Variants in IPO5 observed in about 807,000 individuals in gnomAD.
The protein encoded by IPO5 is importin-5.
A neutral mutation model predicts 143.3 loss-of-function variants in IPO5; 18 were observed. The ratio of observed to expected loss-of-function variants is 0.13; its 90% CI spans 0.09 to 0.19. The LOEUF (loss-of-function observed/expected upper bound fraction) is 0.19. IPO5 is among the 10% of genes least tolerant of loss of function. The pLI is 1.00. For synonymous variants in IPO5, 477 were observed against 465.7 expected (o/e 1.02, Z -0.31); for missense variants, 1,013 against 1,336.9 (o/e 0.76, Z 3.78).
rs35443379 is a variant in IPO5, at chr13:97,965,755, T to TTGTG, written c.-112-3939_-112-3936dup. On this transcript the variant is annotated intron_variant, in intron 2 of 28. Coordinates refer to ENST00000651721, the MANE Select transcript of IPO5 (RefSeq NM_002271.6). ...AACTTGTTTTGTTTGTTCTAATAGT[T>TTGTG]TGTGTGTGTGTGTGTGTGTGTGTGT... is the stretch of plus-strand genomic sequence containing the variant. Among the ~76,000 whole-genome samples the TTGTG allele has an allele frequency of 6.1e-3, 891 of 146,768 alleles. 4 individuals are homozygous for TTGTG. Among genetic ancestry groups the TTGTG allele is most frequent in the African/African-American group, 0.01 (412 of 39,482 alleles).
intron 12 of IPO5, among the ~76,000 whole-genome samples, chr13:97,999,467 T>C (rs1241246643): frequency 2.6e-5 from 4 of 152,198 alleles, no homozygotes; most frequent in African/African-American, 9.6e-5. Context: ...TTATACAGTT[T>C]AAGAAACTTT....
At chr13:98,011,063 C>G (rs1377624077) in intron 20 of IPO5, among the ~76,000 whole-genome samples, 1 of 151,848 alleles carries the variant, frequency 6.6e-6, no homozygotes, top group African/African-American at 2.4e-5. Context: ...AGCCACTGCA[C>G]CTGGCCAATA....
rs534263448 is a variant in IPO5 at position 97,959,145 on chromosome 13, C to T, written c.-113+4947C>T. Among the ~76,000 whole-genome samples, 12 of 151,570 alleles carry T rather than the reference C, an allele frequency of 7.9e-5. No homozygotes were observed. The South Asian group carries it at 2.5e-3, about 32-fold the overall frequency. ...TAAGATCACGCCACTGCACTCCAGC[C>T]TGGGTGACACAGCAAGACTGTGTCT... On this transcript the variant is annotated intron_variant, in intron 2 of 28. Coordinates refer to ENST00000651721, the MANE Select transcript of IPO5 (RefSeq NM_002271.6).
chr13:97,973,531 A>G (rs983431707), intron 3 of IPO5, among the ~76,000 whole-genome samples: 1 of 152,162 alleles, frequency 6.6e-6, no homozygotes, highest in Admixed American at 6.5e-5. Context: ...ACCAGTCTCC[A>G]TTGTCAGGAC....
At chr13:98,021,167 A>C in intron 28 of IPO5, 34 bp downstream of exon 28, 1 of 1,564,218 alleles carries the variant, frequency 6.4e-7, no homozygotes, top group Non-Finnish European at 8.6e-7. Context: ...GGAGGGGGAG[A>C]TAAAACCTTT....
chr13:97,982,570 C>G lies in IPO5; in HGVS notation c.158C>G (p.Thr53Arg). ...TFLLQAIRNT[T>R]AAEEARQMAA... ...CTCTTACAAGCCATCAGAAATACAA[C>G]AGCTGCTGAAGAGGTACTACCTTAA... The change falls in exon 5 of 29, where the codon ACA (threonine) becomes AGA (arginine). Residue 53 changes from threonine to arginine, a missense_variant. This residue lies in a region of IPO5 where 328 missense variants were observed against 342.0 expected (regional missense o/e 0.96). Coordinates refer to ENST00000651721, the MANE Select transcript of IPO5 (RefSeq NM_002271.6). 6.2e-7 allele frequency: 1 copy of G among 1,602,192 alleles called. No individual in the cohort carries two copies. Among genetic ancestry groups the G allele is most frequent in the Non-Finnish European group, 8.6e-7 (1 of 1,169,380 alleles).
At chr13:97,997,690 C>T in intron 12 of IPO5, 72 bp downstream of exon 12, 1 of 780,032 alleles carries the variant, frequency 1.3e-6, no homozygotes, top group Non-Finnish European at 2.0e-6. Flanking sequence ...CACTATTGCA[C>T]CCTGTAACCT....
Position 98,021,983 on chromosome 13 carries a change from A to G in IPO5, c.*161A>G. ...CAGGAAGAGCAGCGCTGTGTTGCAG[A>G]ATGGAGTTTCCATGGATTTCTACCA... is the stretch of plus-strand genomic sequence containing the variant. On this transcript the variant is annotated 3_prime_UTR_variant, in exon 29 of 29. Transcript: ENST00000651721. 4 of 430,920 alleles carry G rather than the reference A, an allele frequency of 9.3e-6. No individual in the cohort carries two copies. 26.7% of individuals were successfully genotyped at this position (430,920 alleles called of 1,614,324 possible).
intron 13 of IPO5, 79 bp from the exon 14 acceptor site, chr13:98,002,388 A>G: frequency 2.2e-6 from 3 of 1,383,722 alleles, no homozygotes; most frequent in Middle Eastern, 1.8e-4. Context: ...CCAAATAAGA[A>G]CTTTTATACA....
In IPO5 at chr13:97,993,088, A is replaced by G. The variant is rs1230879133; in HGVS notation, c.793-17A>G. ...AATCTAAATTATTAAATGTATACAA[A>G]TATGTCTTCTTTGTAGTTGTGTGGA... On this transcript the variant is annotated splice_polypyrimidine_tract_variant and intron_variant, in intron 10 of 28. Coordinates refer to ENST00000651721, the MANE Select transcript of IPO5 (RefSeq NM_002271.6). 3.1e-6 allele frequency: 5 copies of G among 1,613,710 alleles called. No homozygotes were observed. Among genetic ancestry groups the G allele is most frequent in the Non-Finnish European group, 4.2e-6 (5 of 1,179,750 alleles).
chr13:98,002,803 C>G (rs754247327), intron 15 of IPO5, 30 bp downstream of exon 15: 2 of 1,595,790 alleles, frequency 1.3e-6, no homozygotes, highest in African/African-American at 1.4e-5. Context: ...ACACTTAAAT[C>G]AGACTTTAGG....
At chr13:97,971,892 A>G (rs1247133130) in intron 3 of IPO5, among the ~76,000 whole-genome samples, 1 of 152,228 alleles carries the variant, frequency 6.6e-6, no homozygotes, top group African/African-American at 2.4e-5. Flanking sequence ...TGCAGACACC[A>G]TACTATGTGA....
chr13:98,021,345 C>A, intron 28 of IPO5: 1 of 407,764 alleles, frequency 2.5e-6, no homozygotes, highest in Non-Finnish European at 4.2e-6. Context: ...CATCTTAGGA[C>A]ATTTTGAGCT....
chr13:97,972,414 G>C (rs969824974), intron 3 of IPO5, among the ~76,000 whole-genome samples: 1 of 152,168 alleles, frequency 6.6e-6, no homozygotes, highest in Admixed American at 6.5e-5. Flanking sequence ...TAAGGAGCCT[G>C]GTCTCCTGCA....
intron 2 of IPO5, among the ~76,000 whole-genome samples, chr13:97,962,499 G>T (rs1207550161): frequency 6.6e-6 from 1 of 151,956 alleles, no homozygotes; most frequent in South Asian, 2.1e-4. Flanking sequence ...TATTAGCCAG[G>T]GTCCTCAAGA....
chr13:97,965,743 T>C (rs1259430992), intron 2 of IPO5, among the ~76,000 whole-genome samples: 2 of 143,956 alleles, frequency 1.4e-5, no homozygotes, highest in Non-Finnish European at 3.0e-5. Context: ...TTGTTTTGTT[T>C]GTTCTAATAG....
chr13:97,972,325 C>G (rs1310421897), intron 3 of IPO5, among the ~76,000 whole-genome samples: 1 of 152,162 alleles, frequency 6.6e-6, no homozygotes, highest in African/African-American at 2.4e-5. Context: ...AACCTTCTCC[C>G]ACTTCCAGAA....
chr13:98,011,144 A>G (rs1486374788), intron 20 of IPO5, among the ~76,000 whole-genome samples: 2 of 152,118 alleles, frequency 1.3e-5, no homozygotes, highest in Non-Finnish European at 2.9e-5. Context: ...AGTATCTATA[A>G]ATTATAAACA....
chr13:97,986,360 A>G (rs59479756), intron 6 of IPO5, among the ~76,000 whole-genome samples: 3 of 141,314 alleles, frequency 2.1e-5, no homozygotes, highest in African/African-American at 5.0e-5. Context: ...GTATATATAT[A>G]TTTTTTTTTT....
Sources: allele counts gnomAD v4.1 joint callset (sites outside exome capture counted in the v4.1 genomes callset), GRCh38; gene constraint gnomAD v4.1.1; regional missense constraint gnomAD v4.1.1; transcripts MANE v1.5; gene names NCBI Gene and HGNC (gene_info 2026-07-23, HGNC 2026-07-21).